Variants in DOCK6 observed in about 807,000 individuals in gnomAD.
DOCK6 encodes dedicator of cytokinesis protein 6.
Under a neutral mutation model 230.3 loss-of-function variants are expected in DOCK6, and 167 were observed. The ratio of observed to expected loss-of-function variants is 0.73; its 90% CI spans 0.64 to 0.82. The LOEUF is 0.82. Ranked by LOEUF, DOCK6 falls within the 40% of genes least tolerant of loss-of-function variation. The probability of loss-of-function intolerance (pLI) is 0.00; values close to 1 mark genes in which losing one functional copy is unlikely to be tolerated. For missense variants in DOCK6, 2,598 were observed against 2,825.8 expected, an observed-to-expected ratio of 0.92 and a Z score of 1.83; for synonymous variants, 1,148 against 1,185.0, an observed-to-expected ratio of 0.97 and a Z score of 0.64.
In DOCK6 at chr19:11,202,241, A is replaced by G; in HGVS notation, c.5452-116T>C. 1 of 1,375,488 alleles carries G rather than the reference A, an allele frequency of 7.3e-7. No homozygotes were observed. Among genetic ancestry groups the G allele is most frequent in the South Asian group, 1.3e-5 (1 of 77,264 alleles). The allele number at this position is 1,375,488 out of a possible 1,614,324, so 85.2% of individuals were successfully genotyped here. A position where few individuals can be genotyped will look rare whatever the true frequency, so the allele number is the denominator to read the frequency against. ...CATTTCCAAGTCTTCCTATGTCTGG[A>G]TGTTTGGGAATCCCCTGAGGAATAG... On this transcript the variant is annotated intron_variant, in intron 43 of 47. Coordinates refer to ENST00000294618, the MANE Select transcript of DOCK6 (RefSeq NM_020812.4). This position sits in a 1 kb window ranked among gnomAD's most constrained non-coding sequence, Gnocchi z 5.3.
chr19:11,259,429 G>GA (rs2080247356), intron 1 of DOCK6, among the ~76,000 whole-genome samples: 1 of 146,954 alleles, frequency 6.8e-6, no homozygotes. Flanking sequence ...TATATTCAAG[G>GA]ATGGGGGAGA....
In DOCK6 at chr19:11,244,451, CTTTTTTTTT is replaced by C. The variant is rs56722117; in HGVS notation, c.1024-578_1024-570del. 1.2e-4 allele frequency among the ~76,000 whole-genome samples: 5 copies of C among 40,258 alleles called. 1 individual carries two copies. The highest frequency in any genetic ancestry group is 1.1e-3 in the East Asian group (1 of 878). 26.4% of individuals were successfully genotyped at this position (40,258 alleles called of 152,430 possible). On this transcript the variant is annotated intron_variant, in intron 9 of 47. Transcript: ENST00000294618. ...TACAGGCATGACCCACCACACCTGGCTTTTTTTTTTTTTTTTTTTTTTTTTTTGAGATGG... is the reference window on the plus strand; with the variant it reads ...TACAGGCATGACCCACCACACCTGGCTTTTTTTTTTTTTTTTTTGAGATGG...
chr19:11,208,537 C>T (rs1252389255), intron 39 of DOCK6, 149 bp downstream of exon 39: 1 of 1,176,066 alleles, frequency 8.5e-7, no homozygotes, highest in African/African-American at 1.5e-5. Flanking sequence ...CCTCCGCCTC[C>T]CAAAGTGCTG....
chr19:11,240,789 C>T (rs184779178), intron 14 of DOCK6, among the ~76,000 whole-genome samples: 2 of 150,420 alleles, frequency 1.3e-5, no homozygotes, highest in African/African-American at 4.9e-5. Context: ...AGGCTGGTCT[C>T]GAACTCCTGA....
At position 11,214,255 on chromosome 19, in the gene DOCK6, G is replaced by A; in HGVS notation, c.4338+20C>T. The A allele has an allele frequency of 6.3e-7, 1 of 1,590,902 alleles. No individual in the cohort carries two copies. Among genetic ancestry groups the A allele is most frequent in the Non-Finnish European group, 8.6e-7 (1 of 1,168,226 alleles). On this transcript the variant is annotated intron_variant, in intron 34 of 47. Coordinates refer to ENST00000294618, the MANE Select transcript of DOCK6 (RefSeq NM_020812.4). ...CTGCTACTGTTTTTCTAAGAATCAT[G>A]GTTGTTGAGTGGTGCTCACCTTGGA...
chr19:11,212,173 G>A (rs2147745388), intron 35 of DOCK6, 22 bp from the exon 36 acceptor site: 1 of 1,597,188 alleles, frequency 6.3e-7, no homozygotes, highest in Non-Finnish European at 8.5e-7. Context: ...GGGGCGGGAG[G>A]GTGGAGCCGG....
rs1568227690 is a variant in DOCK6, at chr19:11,215,846, G to C, written c.3976C>G (p.Leu1326Val). ...DMKARLEEAILGTIGARQEMV... is the reference protein window; with the variant it reads ...DMKARLEEAIVGTIGARQEMV... Reference sequence around the variant, plus strand: ...TCTTGTCGAGCTCCGATGGTACCCAGAATGGCTTCCTCTAGCCGCGCCTTC... The same window carrying C: ...TCTTGTCGAGCTCCGATGGTACCCACAATGGCTTCCTCTAGCCGCGCCTTC... Residue 1326 changes from leucine to valine, a missense_variant, in exon 31 of 48, where the codon CTG becomes GTG. Transcript: ENST00000294618. 2.5e-6 allele frequency: 4 copies of C among 1,613,872 alleles called. No individual in the cohort carries two copies. In the South Asian group the frequency reaches 4.4e-5, roughly 18 times the overall value.
chr19:11,240,297 G>T (rs774984872), intron 14 of DOCK6: 16 of 1,567,962 alleles, frequency 1.0e-5, no homozygotes, highest in Middle Eastern at 2.1e-4. Flanking sequence ...GGTCTTAAAG[G>T]TAAGGAGCTC....
At chr19:11,251,979 A>G in intron 5 of DOCK6, 140 bp downstream of exon 5, 1 of 1,273,264 alleles carries the variant, frequency 7.9e-7, no homozygotes, top group Non-Finnish European at 1.1e-6. Context: ...TATGACCCCT[A>G]ACTTTTTACT....
Position 11,213,310 on chromosome 19 carries a change from C to T in DOCK6, c.4357G>A (p.Glu1453Lys), listed in dbSNP as rs769010912. ...LVSKFPELLF[E>K]EDTELCADLC... ...TCGGCACACAGCTCCGTGTCCTCCT[C>T]GAACAGCAGCTCCGGGAACTGCCCC... The change falls in exon 35 of 48, where the codon GAG becomes AAG. Residue 1453 changes from glutamate to lysine, a missense_variant. Glu to Lys is a moderately conservative substitution (Grantham distance 56). Transcript: ENST00000294618. The T allele has an allele frequency of 5.9e-5, 95 of 1,611,784 alleles. No individual in the cohort carries two copies. Among genetic ancestry groups the T allele is most frequent in the Non-Finnish European group, 7.5e-5 (89 of 1,179,760 alleles).
Position 11,217,271 on chromosome 19 carries a change from G to A in DOCK6, c.3671C>T (p.Ala1224Val). 3 of 1,612,936 alleles carry A rather than the reference G, an allele frequency of 1.9e-6. No individual in the cohort carries two copies. Residue 1224 changes from alanine to valine, a missense_variant, in exon 29 of 48, where the codon GCC (alanine) becomes GTC (valine). Coordinates refer to ENST00000294618, the MANE Select transcript of DOCK6 (RefSeq NM_020812.4). ...GGAGATGCTGGCCCGGGAGCCAGGG[G>A]CTAGGGGGCCACCAGCAATGGCCAT... ...VAMAIAGGPL[A>V]PGSRASISQG... is the part of the protein sequence containing the mutation.
At chr19:11,255,614 A>G (rs2080185250) in intron 1 of DOCK6, among the ~76,000 whole-genome samples, 1 of 151,910 alleles carries the variant, frequency 6.6e-6, no homozygotes, top group Non-Finnish European at 1.5e-5. Context: ...CTTCTTCTAC[A>G]ACTTGCCCAA....
In DOCK6 at chr19:11,252,156, T is replaced by C. The variant is rs1401148276; in HGVS notation, c.470A>G (p.Asp157Gly). 1 of 1,588,190 alleles carries C rather than the reference T, an allele frequency of 6.3e-7. No individual in the cohort carries two copies. Among genetic ancestry groups the C allele is most frequent in the Admixed American group, 1.8e-5 (1 of 55,752 alleles). The change falls in exon 5 of 48, where the codon GAT becomes GGT. Residue 157 changes from aspartate to glycine, a missense_variant. By Grantham distance (94) the Asp-to-Gly change is moderately conservative. Transcript: ENST00000294618. ...KGLPRQVFEQDASGDERSGPE... is the reference protein window; with the variant it reads ...KGLPRQVFEQGASGDERSGPE... Reference sequence around the variant, plus strand: ...GCCGGACCTCTCGTCTCCAGAAGCATCCTGCTCAAAGACCTGGCGGGGGAG... The same window carrying C: ...GCCGGACCTCTCGTCTCCAGAAGCACCCTGCTCAAAGACCTGGCGGGGGAG...
chr19:11,237,642 G>A lies in DOCK6; in HGVS notation c.1970C>T (p.Thr657Ile). Reference sequence around the variant, plus strand: ...GGAGGGAGGGAGGGGACGGCTCACAGTAAAGCCCACGGGTGTCTCCAGGGC... The same window carrying A: ...GGAGGGAGGGAGGGGACGGCTCACAATAAAGCCCACGGGTGTCTCCAGGGC... ...GTALETPVGF[T>I]WIPLLQHGRL... is the part of the protein sequence containing the mutation. The change falls in exon 17 of 48, where the codon ACT (threonine) becomes ATT (isoleucine). Residue 657 changes from threonine (T) to isoleucine (I), a missense_variant and splice_region_variant. By Grantham distance (89) the Thr-to-Ile change is moderately conservative. Coordinates refer to ENST00000294618, the MANE Select transcript of DOCK6 (RefSeq NM_020812.4). The A allele has an allele frequency of 1.3e-6, 2 of 1,596,034 alleles. No individual in the cohort carries two copies. Among genetic ancestry groups the A allele is most frequent in the Non-Finnish European group, 1.7e-6 (2 of 1,171,928 alleles).
chr19:11,220,864 GC>G (rs1212687673), intron 28 of DOCK6, among the ~76,000 whole-genome samples: 1 of 140,596 alleles, frequency 7.1e-6, no homozygotes, highest in Non-Finnish European at 1.5e-5. Flanking sequence ...TCGCTCTGTC[GC>G]CCAGGCTGGA....
rs2147877232 is a variant in DOCK6 at position 11,252,397 on chromosome 19, C to A, written c.377+85G>T. 8 of 1,589,710 alleles carry A rather than the reference C, an allele frequency of 5.0e-6. No individual in the cohort carries two copies. In the South Asian group the frequency reaches 8.9e-5, roughly 18 times the overall value. ...TGCCTGCTCTTGCAGGGACAATGGG[C>A]AGATACACAGTAGGACCGGCTGCAG... is the stretch of plus-strand genomic sequence containing the variant. On this transcript the variant is annotated intron_variant, in intron 4 of 47. Transcript: ENST00000294618.
chr19:11,200,184 A>G lies in DOCK6; in HGVS notation c.6101+124T>C. The G allele has an allele frequency of 9.3e-7, 1 of 1,074,940 alleles. No individual in the cohort carries two copies. Among genetic ancestry groups the G allele is most frequent in the Non-Finnish European group, 1.3e-6 (1 of 778,066 alleles). 66.6% of individuals were successfully genotyped at this position (1,074,940 alleles called of 1,614,324 possible). ...ACAAAAAAAAAACCGGAAACAAAAC[A>G]AAGTCCAAGCTACCAGCAAACATGT... On this transcript the variant is annotated intron_variant, in intron 47 of 47. Transcript: ENST00000294618. The surrounding 1 kb of genome is among the most constrained non-coding windows in gnomAD (Gnocchi z 4.3).
Position 11,248,132 on chromosome 19 carries a change from C to T in DOCK6, c.740G>A (p.Cys247Tyr), listed in dbSNP as rs372888472. Residue 247 changes from cysteine (C) to tyrosine (Y), a missense_variant, in exon 7 of 48, where the codon TGT becomes TAT. By Grantham distance (194) the Cys-to-Tyr change is radical. Coordinates refer to ENST00000294618, the MANE Select transcript of DOCK6 (RefSeq NM_020812.4). ...CTCGCGGGGTGGCTCTGGGCGGCTA[C>T]AGCGTTCCACGGCTTCATCCTGCCA... ...APDEDEAVER[C>Y]SRPEPPREHF... 6.8e-5 allele frequency: 110 copies of T among 1,610,460 alleles called. No homozygotes were observed. Among genetic ancestry groups the T allele is most frequent in the Non-Finnish European group, 8.7e-5 (102 of 1,178,626 alleles).
chr19:11,237,733 C>T lies in DOCK6; in HGVS notation c.1879G>A (p.Val627Met), dbSNP rs771864488. The change falls in exon 17 of 48, where the codon GTG becomes ATG. Residue 627 changes from valine (V) to methionine (M), a missense_variant. Val to Met is a conservative substitution (Grantham distance 21). Transcript: ENST00000294618. ...AACAGCAGGTGATGGTTCTCTGTCA[C>T]GCAGGCTGGAAGATGCAGCTTGAAC... ...EEFKLHLPACVTENHHLLFTF... is the reference protein window; with the variant it reads ...EEFKLHLPACMTENHHLLFTF... 7.0e-6 allele frequency: 11 copies of T among 1,580,698 alleles called. No individual in the cohort carries two copies. The highest frequency in any genetic ancestry group is 5.5e-5 in the Admixed American group (3 of 54,232).
Sources: allele counts gnomAD v4.1 joint callset (sites outside exome capture counted in the v4.1 genomes callset), GRCh38; gene constraint gnomAD v4.1.1; non-coding constraint Gnocchi (gnomAD v3.1); transcripts MANE v1.5; gene names NCBI Gene and HGNC (gene_info 2026-07-23, HGNC 2026-07-21).